NCOA6: variants seen among roughly 807,000 people sequenced by gnomAD.
NCOA6 encodes nuclear receptor coactivator 6, also known as NRC RAP250.
In NCOA6, 49 loss-of-function variants were observed where a neutral mutation model predicts 171.4. That is an observed-to-expected ratio of 0.29 (90% CI 0.23 to 0.36). The LOEUF (loss-of-function observed/expected upper bound fraction) is 0.36. Among genes scored for constraint, NCOA6 ranks in the 10% least tolerant of loss-of-function variants. The pLI, the probability that NCOA6 is intolerant of heterozygous loss-of-function variation, is 1.00. For missense variants in NCOA6, 2,248 were observed against 2,554.5 expected (o/e 0.88, Z 2.59); for synonymous variants, 910 against 927.5 (o/e 0.98, Z 0.34).
At chr20:34,758,977 T>C in intron 5 of NCOA6, 44 bp from the exon 6 acceptor site, 1 of 1,589,648 alleles carries the variant, frequency 6.3e-7, no homozygotes, top group East Asian at 2.2e-5. Flanking sequence ...ATTGGCACAA[T>C]TTTTGTTTTT....
chr20:34,813,886 T>C (rs758772859), intron 1 of NCOA6, among the ~76,000 whole-genome samples: 5 of 152,170 alleles, frequency 3.3e-5, no homozygotes, highest in Admixed American at 6.5e-5. Flanking sequence ...AGTGGCACTA[T>C]AAACTGGTAG....
chr20:34,754,661 C>T, intron 8 of NCOA6, 61 bp downstream of exon 8: 1 of 1,596,894 alleles, frequency 6.3e-7, no homozygotes, highest in Non-Finnish European at 8.6e-7. Context: ...CTCCTGTTGT[C>T]TATCAAGTCT....
At chr20:34,764,232 C>G (rs1050268052) in intron 5 of NCOA6, among the ~76,000 whole-genome samples, 2 of 151,950 alleles carry the variant, frequency 1.3e-5, no homozygotes. Flanking sequence ...GGACTACAGG[C>G]GTCCGCCACC....
intron 14 of NCOA6, among the ~76,000 whole-genome samples, chr20:34,722,920 T>C (rs1042220947): frequency 2.0e-5 from 3 of 152,060 alleles, no homozygotes; most frequent in African/African-American, 7.2e-5. Context: ...GGCATAAGAA[T>C]TGCTTGAACC....
intron 1 of NCOA6, among the ~76,000 whole-genome samples, chr20:34,808,317 A>C (rs1325751914): frequency 6.6e-6 from 1 of 152,020 alleles, no homozygotes; most frequent in Non-Finnish European, 1.5e-5. Context: ...TTCTTAAATC[A>C]AAATATTTTT....
At chr20:34,739,515 A>G (rs774930232) in intron 11 of NCOA6, among the ~76,000 whole-genome samples, 22 of 152,216 alleles carry the variant, frequency 1.4e-4, no homozygotes, top group Non-Finnish European at 2.2e-4. Context: ...CAGACAAAAA[A>G]AGAATGGTTC....
intron 1 of NCOA6, among the ~76,000 whole-genome samples, chr20:34,814,918 G>A (rs891563659): frequency 6.6e-6 from 1 of 152,036 alleles, no homozygotes; most frequent in African/African-American, 2.4e-5. Context: ...AAATTTCATG[G>A]GGACACGTGC....
At chr20:34,799,892 A>G (rs751676421) in intron 1 of NCOA6, among the ~76,000 whole-genome samples, 1 of 152,218 alleles carries the variant, frequency 6.6e-6, no homozygotes, top group African/African-American at 2.4e-5. Flanking sequence ...AGCAATAAAA[A>G]TCATCTGAAG....
intron 12 of NCOA6, among the ~76,000 whole-genome samples, chr20:34,735,420 T>C (rs998193091): frequency 6.6e-6 from 1 of 151,962 alleles, no homozygotes; most frequent in East Asian, 1.9e-4. Context: ...ACGAGGCAGG[T>C]GGATCATGAG....
chr20:34,782,408 A>T lies in NCOA6; in HGVS notation c.-49-4T>A. 2.7e-6 allele frequency: 3 copies of T among 1,120,912 alleles called. No homozygotes were observed. The highest frequency in any genetic ancestry group is 3.8e-6 in the Non-Finnish European group (3 of 780,694). The allele number at this position is 1,120,912 out of a possible 1,614,324, so 69.4% of individuals were successfully genotyped here. The stretch of plus-strand genomic sequence containing the variant: ...CAAGAGGACAATAAGAAAACTTCTG[A>T]AAAGAGAAGATGCAAAAGAGCATTA... On this transcript the variant is annotated splice_region_variant and splice_polypyrimidine_tract_variant and intron_variant, in intron 2 of 14. Transcript: ENST00000359003.
At position 34,743,238 on chromosome 20, in the gene NCOA6, C is replaced by T. The variant is rs746677102; in HGVS notation, c.3018G>A (p.Gln1006=). Residue 1006 remains glutamine, a synonymous_variant, in exon 11 of 15, where the codon CAG becomes CAA. Transcript: ENST00000359003. ...PPPQPPQQQP[Q]PQLPQQQQPP... ...GCTGCTGCTGCTGAGGCAGTTGTGG[C>T]TGTGGCTGCTGCTGTGGTGGCTGTG... 6.2e-6 allele frequency: 10 copies of T among 1,613,860 alleles called. 1 individual carries two copies. Among genetic ancestry groups the T allele is most frequent in the South Asian group, 3.3e-5 (3 of 91,082 alleles).
chr20:34,824,103 A>G (rs1446289749), intron 1 of NCOA6, among the ~76,000 whole-genome samples: 1 of 152,242 alleles, frequency 6.6e-6, no homozygotes, highest in Admixed American at 6.5e-5. Context: ...TATTCCCTTC[A>G]GCCTTTGTAT....
chr20:34,718,708 G>A (rs1398381253), intron 14 of NCOA6, among the ~76,000 whole-genome samples: 2 of 152,136 alleles, frequency 1.3e-5, no homozygotes, highest in Non-Finnish European at 2.9e-5. Context: ...GTTTGGCCAT[G>A]TTGGCCAGGC....
At position 34,754,745 on chromosome 20, in the gene NCOA6, G is replaced by C. The variant is rs553545276; in HGVS notation, c.1652C>G (p.Ala551Gly). The change falls in exon 8 of 15, where the codon GCA becomes GGA. Residue 551 changes from alanine (A) to glycine (G), a missense_variant. Ala to Gly is a moderately conservative substitution (Grantham distance 60, BLOSUM62 0). Around this residue, in one of 7 missense-constraint regions of NCOA6, gnomAD observed 987 missense variants for 1,104.7 expected, o/e 0.89. Transcript: ENST00000359003. ...PGNSGAPQLQ[A>G]NQNVQHAGGQ... is the part of the protein sequence containing the mutation. ...ACCTGCATGCTGGACATTTTGATTT[G>C]CTTGCAGCTGAGGGGCTCCTGAATT... 4 of 1,614,152 alleles carry C rather than the reference G, an allele frequency of 2.5e-6. No individual in the cohort carries two copies. The highest frequency in any genetic ancestry group is 2.5e-6 in the Non-Finnish European group (3 of 1,180,032).
rs2147025174 is a variant in NCOA6, at chr20:34,727,347, A to G, written c.6060T>C (p.Thr2020=). The change falls in exon 14 of 15, where the codon ACT becomes ACC. Residue 2020 remains threonine, a synonymous_variant. Transcript: ENST00000359003. ...TTTCAGAGGCCACAGTTGGCTCTTC[A>G]GTTCGGGAGTTTCTTCGGCCTGGGA... The part of the protein sequence containing the change: ...SKIPGRRNSR[T]EEPTVASESV... 1 of 1,614,142 alleles carries G rather than the reference A, an allele frequency of 6.2e-7. No individual in the cohort carries two copies. Among genetic ancestry groups the G allele is most frequent in the Non-Finnish European group, 8.5e-7 (1 of 1,180,030 alleles).
Position 34,811,234 on chromosome 20 carries a change from T to TATATATATATATATAC in NCOA6, c.-164+14237_-164+14238insGTATATATATATATAT, listed in dbSNP as rs1344933526. On this transcript the variant is annotated intron_variant, in intron 1 of 14. Transcript: ENST00000359003. Reference sequence around the variant, plus strand: ...ATATATATATATATATATATATATATATGCTTTCAAAATGCATTTTACAAA... The same window carrying TATATATATATATATAC: ...ATATATATATATATATATATATATATATATATATATATATACATGCTTTCAAAATGCATTTTACAAA... Among the ~76,000 whole-genome samples, 846 of 119,494 alleles carry TATATATATATATATAC rather than the reference T, an allele frequency of 7.1e-3. 24 individuals carry two copies. Among genetic ancestry groups the TATATATATATATATAC allele is most frequent in the South Asian group, 0.016 (44 of 2,738 alleles). The allele number at this position is 119,494 out of a possible 152,430, so 78.4% of individuals were successfully genotyped here. A position where few individuals can be genotyped will look rare whatever the true frequency, so the allele number is the denominator to read the frequency against.
chr20:34,723,109 C>T (rs1446953991), intron 14 of NCOA6, among the ~76,000 whole-genome samples: 1 of 152,138 alleles, frequency 6.6e-6, no homozygotes, highest in Non-Finnish European at 1.5e-5. Flanking sequence ...TTAACTGGAC[C>T]TGGTTACGAG....
At chr20:34,822,238 G>A (rs1259021373) in intron 1 of NCOA6, among the ~76,000 whole-genome samples, 1 of 152,078 alleles carries the variant, frequency 6.6e-6, no homozygotes, top group Non-Finnish European at 1.5e-5. Context: ...CCTTCTCGAA[G>A]ATCTTGAATG....
At chr20:34,824,068 A>G (rs6088619) in intron 1 of NCOA6, among the ~76,000 whole-genome samples, 12,981 of 152,310 alleles carry the variant, frequency 0.085, 772 homozygotes, top group Non-Finnish European at 0.13. Context: ...GAAATACCAA[A>G]TAACTGGCTG....
Sources: allele counts gnomAD v4.1 joint callset (sites outside exome capture counted in the v4.1 genomes callset), GRCh38; gene constraint gnomAD v4.1.1; regional missense constraint gnomAD v4.1.1; transcripts MANE v1.5; gene names NCBI Gene and HGNC (gene_info 2026-07-23, HGNC 2026-07-21).